Variants in RALGPS2 observed in about 807,000 individuals in gnomAD.
RALGPS2 encodes the protein Ral GEF with PH domain and SH3 binding motif 2.
In RALGPS2, 43 loss-of-function variants were observed where a neutral mutation model predicts 86.8. That is an observed-to-expected ratio of 0.50 (90% confidence interval 0.39 to 0.64). The LOEUF (loss-of-function observed/expected upper bound fraction) is 0.64. RALGPS2 is among the 30% of genes least tolerant of loss of function. The probability of loss-of-function intolerance (pLI) is 0.00; values close to 1 mark genes in which losing one functional copy is unlikely to be tolerated. For synonymous variants in RALGPS2, 243 were observed against 231.3 expected (o/e 1.05, Z -0.46); for missense variants, 536 against 694.6 (o/e 0.77, Z 2.57).
chr1:178,791,380 C>T (rs1444096561), intron 4 of RALGPS2, among the ~76,000 whole-genome samples: 4 of 151,536 alleles, frequency 2.6e-5, no homozygotes, highest in African/African-American at 7.3e-5. Context: ...CCCCCGGCCT[C>T]GGCTTCCCAA....
At chr1:178,730,519 T>C (rs1650273379) in intron 1 of RALGPS2, among the ~76,000 whole-genome samples, 1 of 152,094 alleles carries the variant, frequency 6.6e-6, no homozygotes. Flanking sequence ...CTAATTTTTT[T>C]TTCTACAAAC....
chr1:178,795,305 T>C (rs772357410), intron 4 of RALGPS2, among the ~76,000 whole-genome samples: 19 of 152,172 alleles, frequency 1.2e-4, no homozygotes, highest in Non-Finnish European at 2.5e-4. Flanking sequence ...AGCCCCTCTA[T>C]ATAACTGGGA....
chr1:178,800,277 C>T (rs547807847), intron 4 of RALGPS2, among the ~76,000 whole-genome samples: 1 of 152,004 alleles, frequency 6.6e-6, no homozygotes, highest in Non-Finnish European at 1.5e-5. Flanking sequence ...AAGGAAACTA[C>T]GGAAGAAAGA....
chr1:178,787,352 T>C (rs1022796542), intron 4 of RALGPS2, among the ~76,000 whole-genome samples: 2 of 152,160 alleles, frequency 1.3e-5, no homozygotes, highest in Non-Finnish European at 2.9e-5. Flanking sequence ...AGCCACATTA[T>C]AAGGTAAAAA....
At chr1:178,895,855 G>A (rs934439369) in intron 16 of RALGPS2, among the ~76,000 whole-genome samples, 7 of 152,026 alleles carry the variant, frequency 4.6e-5, no homozygotes, top group African/African-American at 1.7e-4. Context: ...TGTGGCTGTT[G>A]AAAAAGTATG....
chr1:178,870,883 A>G (rs1419614627), intron 8 of RALGPS2: 1 of 152,182 alleles, frequency 6.6e-6, no homozygotes, highest in Non-Finnish European at 1.5e-5. Context: ...AGCTGTAAGA[A>G]GGAACTTCTT....
intron 1 of RALGPS2, among the ~76,000 whole-genome samples, chr1:178,734,117 G>A (rs541756255): frequency 5.2e-4 from 79 of 152,268 alleles, no homozygotes; most frequent in African/African-American, 1.8e-3. Flanking sequence ...AAACATGCTC[G>A]ACATTATTAG....
chr1:178,799,396 A>G (rs1418079215), intron 4 of RALGPS2, among the ~76,000 whole-genome samples: 3 of 152,044 alleles, frequency 2.0e-5, no homozygotes, highest in African/African-American at 7.2e-5. Context: ...CACAAAGGAC[A>G]TATATTAGCA....
intron 4 of RALGPS2, among the ~76,000 whole-genome samples, chr1:178,801,587 A>G (rs983307525): frequency 1.3e-5 from 2 of 152,196 alleles, no homozygotes; most frequent in Non-Finnish European, 2.9e-5. Context: ...GAGGTTTTGG[A>G]AAGTCCGTCC....
At chr1:178,814,180 A>G (rs1655121999) in intron 6 of RALGPS2, among the ~76,000 whole-genome samples, 1 of 152,198 alleles carries the variant, frequency 6.6e-6, no homozygotes, top group South Asian at 2.1e-4. Flanking sequence ...GTTTAAATTG[A>G]ATTATTCCAT....
In RALGPS2 at chr1:178,885,133, C is replaced by G. The variant is rs1251721176; in HGVS notation, c.962C>G (p.Ala321Gly). The G allele has an allele frequency of 6.2e-7, 1 of 1,613,110 alleles. No individual in the cohort carries two copies. Among genetic ancestry groups the G allele is most frequent in the East Asian group, 2.2e-5 (1 of 44,806 alleles). The part of the protein sequence containing the change: ...SGRKSVAAEG[A>G]LLPQTPPSPR... Reference sequence around the variant, plus strand: ...CGAAAAAGTGTGGCAGCTGAAGGAGCCTTGCTCCCACAGACACCGCCATCC... The same window carrying G: ...CGAAAAAGTGTGGCAGCTGAAGGAGGCTTGCTCCCACAGACACCGCCATCC... The change falls in exon 12 of 20, where the codon GCC becomes GGC. Residue 321 changes from alanine (A) to glycine (G), a missense_variant. Around this residue, in one of 3 missense-constraint regions of RALGPS2, gnomAD observed 309 missense variants for 363.0 expected, o/e 0.85. Coordinates refer to ENST00000367635, the MANE Select transcript of RALGPS2 (RefSeq NM_152663.5).
In RALGPS2 at chr1:178,919,552, A is replaced by T. The variant is rs940185179; in HGVS notation, c.*3193A>T. 6.6e-6 allele frequency: 1 copy of T among 152,038 alleles called. No individual in the cohort carries two copies. Among genetic ancestry groups the T allele is most frequent in the Admixed American group, 6.6e-5 (1 of 15,262 alleles). The allele number at this position is 152,038 out of a possible 1,614,324, so 9.4% of individuals were successfully genotyped here. A position where few individuals can be genotyped will look rare whatever the true frequency, so the allele number is the denominator to read the frequency against. The stretch of plus-strand genomic sequence containing the variant: ...GACTCTAGCTTTCCTTATTAGCTTA[A>T]ACTGGGGCCCTCAAAGAGCAGCCTG... On this transcript the variant is annotated 3_prime_UTR_variant, in exon 20 of 20. Transcript: ENST00000367635.
At chr1:178,768,843 A>C (rs1652643054) in intron 1 of RALGPS2, among the ~76,000 whole-genome samples, 1 of 152,206 alleles carries the variant, frequency 6.6e-6, no homozygotes, top group Non-Finnish European at 1.5e-5. Flanking sequence ...CAAGTTCTCT[A>C]CACATAGATA....
chr1:178,842,830 A>C (rs1277738770), intron 8 of RALGPS2, among the ~76,000 whole-genome samples: 82 of 148,254 alleles, frequency 5.5e-4, no homozygotes, highest in African/African-American at 1.9e-3. Context: ...ACCCCATCAA[A>C]AAGTGGGCGA....
At chr1:178,896,202 C>T (rs1420102932) in intron 16 of RALGPS2, among the ~76,000 whole-genome samples, 1 of 151,906 alleles carries the variant, frequency 6.6e-6, no homozygotes, top group East Asian at 1.9e-4. Context: ...ACCTTGATGG[C>T]CCAAAAGCCA....
intron 1 of RALGPS2, among the ~76,000 whole-genome samples, chr1:178,767,358 CTT>C (rs1159630163): frequency 0.011 from 801 of 70,450 alleles, 7 homozygotes; most frequent in African/African-American, 0.048. Flanking sequence ...TGTCCTTTGG[CTT>C]TTTTTTTTTT....
In RALGPS2 at chr1:178,897,127, G is replaced by A. The variant is rs549284841; in HGVS notation, c.1432-537G>A. Among the ~76,000 whole-genome samples, 86 of 151,944 alleles carry A rather than the reference G, an allele frequency of 5.7e-4. No individual in the cohort carries two copies. In the Middle Eastern group the frequency reaches 0.01, roughly 18 times the overall value. On this transcript the variant is annotated intron_variant, in intron 16 of 19. Coordinates refer to ENST00000367635, the MANE Select transcript of RALGPS2 (RefSeq NM_152663.5). ...CAACCCCATCAAAAAGTGGGCGAAGGACATGAACAGACACTTCTCAAAAGA... is the reference window on the plus strand; with the variant it reads ...CAACCCCATCAAAAAGTGGGCGAAGAACATGAACAGACACTTCTCAAAAGA...
At chr1:178,815,190 C>T (rs1655169283) in intron 6 of RALGPS2, among the ~76,000 whole-genome samples, 1 of 152,136 alleles carries the variant, frequency 6.6e-6, no homozygotes, top group South Asian at 2.1e-4. Context: ...ATGTGATTCT[C>T]CTGCCTCAGC....
intron 4 of RALGPS2, among the ~76,000 whole-genome samples, chr1:178,802,449 T>C (rs1173628614): frequency 2.0e-5 from 3 of 152,158 alleles, no homozygotes; most frequent in Admixed American, 6.5e-5. Flanking sequence ...CATGGTGTTA[T>C]TCAAGGTTTA....
Sources: allele counts gnomAD v4.1 joint callset (sites outside exome capture counted in the v4.1 genomes callset), GRCh38; gene constraint gnomAD v4.1.1; regional missense constraint gnomAD v4.1.1; transcripts MANE v1.5; gene names NCBI Gene and HGNC (gene_info 2026-07-23, HGNC 2026-07-21).